Variants in ERG observed in about 807,000 individuals in gnomAD.
ERG encodes the protein ETS transcription factor ERG.
In ERG, 9 loss-of-function variants were observed where a neutral mutation model predicts 55.3. The observed-to-expected ratio is 0.16, with a 90% CI of 0.10 to 0.28. The LOEUF (loss-of-function observed/expected upper bound fraction) is 0.28, where lower values mean the gene tolerates loss of function less well. Ranked by LOEUF, ERG falls within the 10% of genes least tolerant of loss-of-function variation. The pLI is 1.00. For synonymous variants in ERG, 223 were observed against 237.3 expected (o/e 0.94, Z 0.55); for missense variants, 434 against 631.6 (o/e 0.69, Z 3.35).
In ERG at chr21:38,383,016, CTG is replaced by C. The variant is rs1987518349; in HGVS notation, c.*385_*386del. On this transcript the variant is annotated 3_prime_UTR_variant, in exon 10 of 10. Transcript: ENST00000288319. This position sits in a 1 kb window ranked among gnomAD's most constrained non-coding sequence, Gnocchi z 5.7. ...TTATAAACGGTATGTTAGGTCAAAA[CTG>C]TGTTGTTTCTATTGCTTTAGTTTCA... 3 of 1,077,354 alleles carry C rather than the reference CTG, an allele frequency of 2.8e-6. No homozygotes were observed. The highest frequency in any genetic ancestry group is 3.4e-6 in the Non-Finnish European group (3 of 887,864). 66.7% of individuals were successfully genotyped at this position (1,077,354 alleles called of 1,614,324 possible). A position where few individuals can be genotyped will look rare whatever the true frequency, so the allele number is the denominator to read the frequency against.
intron 1 of ERG, chr21:38,575,844 G>T: frequency 2.2e-6 from 2 of 894,128 alleles, no homozygotes; most frequent in Non-Finnish European, 1.8e-6. Context: ...AATGGCAAAA[G>T]AATCATAGCT....
At chr21:38,563,935 A>G (rs1247935699) in intron 2 of ERG, among the ~76,000 whole-genome samples, 1 of 152,238 alleles carries the variant, frequency 6.6e-6, no homozygotes, top group African/African-American at 2.4e-5. Flanking sequence ...CGAGTAAGGT[A>G]TCGGGAGAGA....
At chr21:38,597,497 A>ACACACACACACACG (rs1374808594) in intron 1 of ERG, among the ~76,000 whole-genome samples, 3 of 151,824 alleles carry the variant, frequency 2.0e-5, no homozygotes, top group East Asian at 3.9e-4. Flanking sequence ...ACACACACAC[A>ACACACACACACACG]CACGCACACA....
At chr21:38,402,690 A>T in intron 4 of ERG, 53 bp from the exon 5 acceptor site, 1 of 943,504 alleles carries the variant, frequency 1.1e-6, no homozygotes, top group Non-Finnish European at 1.6e-6. Flanking sequence ...AGAGAGAGAG[A>T]GAAAGAGAAT....
intron 1 of ERG, among the ~76,000 whole-genome samples, chr21:38,486,061 G>A (rs557690029): frequency 4.6e-5 from 7 of 151,992 alleles, no homozygotes; most frequent in Non-Finnish European, 8.8e-5. Flanking sequence ...AGCCTCCTGA[G>A]TAGCTGGGAC....
chr21:38,417,629 A>G, intron 3 of ERG, among the ~76,000 whole-genome samples: 1 of 152,010 alleles, frequency 6.6e-6, no homozygotes. Flanking sequence ...TCTCTACTAC[A>G]AATACAAAAA....
intron 2 of ERG, among the ~76,000 whole-genome samples, chr21:38,519,786 G>C (rs2059580233): frequency 6.6e-6 from 1 of 152,180 alleles, no homozygotes; most frequent in Non-Finnish European, 1.5e-5. Flanking sequence ...AATGTCCACT[G>C]CAGTATTATT....
chr21:38,647,470 G>A (rs1331143638), intron 1 of ERG, among the ~76,000 whole-genome samples: 1 of 152,266 alleles, frequency 6.6e-6, no homozygotes, highest in Admixed American at 6.5e-5. Context: ...ATACGTATAT[G>A]TATAATGCAA....
At chr21:38,489,464 G>A (rs1436008009) in intron 1 of ERG, among the ~76,000 whole-genome samples, 1 of 152,220 alleles carries the variant, frequency 6.6e-6, no homozygotes, top group Non-Finnish European at 1.5e-5. Context: ...AGTTCATACT[G>A]TTTGGCTTAC....
intron 2 of ERG, among the ~76,000 whole-genome samples, chr21:38,537,142 A>C (rs766320094): frequency 3.3e-5 from 5 of 152,202 alleles, no homozygotes; most frequent in Non-Finnish European, 5.9e-5. Context: ...TACTATATAC[A>C]AAAATTAACT....
At chr21:38,448,154 C>G (rs1377567606) in intron 1 of ERG, among the ~76,000 whole-genome samples, 1 of 152,054 alleles carries the variant, frequency 6.6e-6, no homozygotes, top group Non-Finnish European at 1.5e-5. Flanking sequence ...GGAAGGAATC[C>G]ATTCTCACAT....
At chr21:38,483,549 A>T (rs1360755957) in intron 1 of ERG, among the ~76,000 whole-genome samples, 1 of 152,188 alleles carries the variant, frequency 6.6e-6, no homozygotes, top group African/African-American at 2.4e-5. Context: ...ATCTTTCATG[A>T]TATAAAAAGC....
intron 2 of ERG, among the ~76,000 whole-genome samples, chr21:38,515,077 A>G (rs2059541554): frequency 6.6e-6 from 1 of 152,028 alleles, no homozygotes; most frequent in African/African-American, 2.4e-5. Flanking sequence ...TATTATTAAA[A>G]GAAGACCAAA....
intron 2 of ERG, among the ~76,000 whole-genome samples, chr21:38,518,131 G>A (rs2059565728): frequency 6.6e-6 from 1 of 152,102 alleles, no homozygotes; most frequent in Non-Finnish European, 1.5e-5. Flanking sequence ...ACATAGAAAT[G>A]AGAAATACCC....
chr21:38,412,047 ATCTTAT>A (rs1256075234), intron 3 of ERG, among the ~76,000 whole-genome samples: 1 of 152,102 alleles, frequency 6.6e-6, no homozygotes, highest in African/African-American at 2.4e-5. Context: ...TCACTAGCGT[ATCTTAT>A]TCTGTCAACT....
chr21:38,541,818 T>G (rs931563684), intron 2 of ERG, among the ~76,000 whole-genome samples: 4 of 152,170 alleles, frequency 2.6e-5, no homozygotes, highest in African/African-American at 9.7e-5. Flanking sequence ...TGGCCTAATA[T>G]CTAGGTGATG....
intron 1 of ERG, among the ~76,000 whole-genome samples, chr21:38,634,532 C>T (rs773631233): frequency 4.6e-5 from 7 of 152,204 alleles, no homozygotes; most frequent in Non-Finnish European, 1.0e-4. Context: ...AACCTCTCCT[C>T]CAACCAAAAA....
At chr21:38,573,534 A>G (rs1347664172) in intron 2 of ERG, among the ~76,000 whole-genome samples, 1 of 152,198 alleles carries the variant, frequency 6.6e-6, no homozygotes, top group Non-Finnish European at 1.5e-5. Flanking sequence ...GTTTGGGTGG[A>G]GAGAAACATA....
chr21:38,570,030 A>G (rs978163880), intron 2 of ERG, among the ~76,000 whole-genome samples: 5 of 152,096 alleles, frequency 3.3e-5, no homozygotes, highest in African/African-American at 4.8e-5. Context: ...TTGCTCATAC[A>G]TACCTCCTGG....
Sources: allele counts gnomAD v4.1 joint callset (sites outside exome capture counted in the v4.1 genomes callset), GRCh38; gene constraint gnomAD v4.1.1; non-coding constraint Gnocchi (gnomAD v3.1); transcripts MANE v1.5; gene names NCBI Gene and HGNC (gene_info 2026-07-23, HGNC 2026-07-21).